FAM234A: variants seen among roughly 807,000 people sequenced by gnomAD.
FAM234A encodes family with sequence similarity 234 member A, also known as protein FAM234A.
FAM234A carries 42 observed loss-of-function variants against 49.1 expected under a neutral mutation model. The observed-to-expected ratio is 0.86, with a 90% CI of 0.67 to 1.11. FAM234A has a LOEUF of 1.11. Ranked by LOEUF, FAM234A falls within the 50% of genes least tolerant of loss-of-function variation. The pLI is 0.00. For missense variants in FAM234A, 815 were observed against 745.2 expected (o/e 1.09, Z -1.09); for synonymous variants, 369 against 316.2 (o/e 1.17, Z -1.77).
At chr16:257,981 C>A (rs761778096) in intron 3 of FAM234A, among the ~76,000 whole-genome samples, 49 of 152,048 alleles carry the variant, frequency 3.2e-4, no homozygotes, top group Non-Finnish European at 7.1e-4. Flanking sequence ...CCTTAGCCTC[C>A]CGAGTAGCTG....
chr16:269,220 C>T (rs116377490), downstream of FAM234A: 8,120 of 1,336,854 alleles, frequency 6.1e-3, 107 homozygotes, highest in African/African-American at 0.046. Flanking sequence ...GCTGCATTCA[C>T]GCAGGACGTT....
chr16:251,257 A>G (rs2050994107), intron 2 of FAM234A, among the ~76,000 whole-genome samples: 1 of 152,154 alleles, frequency 6.6e-6, no homozygotes, highest in Admixed American at 6.5e-5. Flanking sequence ...CGCCCAGCCG[A>G]TACGTTCATA....
At chr16:257,388 G>A (rs2051279321) in intron 3 of FAM234A, among the ~76,000 whole-genome samples, 1 of 151,544 alleles carries the variant, frequency 6.6e-6, no homozygotes, top group Non-Finnish European at 1.5e-5. Flanking sequence ...TGGGATTACA[G>A]GTGCCCGCCT....
chr16:245,811 T>A (rs534187274), intron 1 of FAM234A, among the ~76,000 whole-genome samples: 30 of 152,352 alleles, frequency 2.0e-4, no homozygotes, highest in Non-Finnish European at 3.4e-4. Context: ...AGTGTTTTTC[T>A]TAATGATTTC....
chr16:255,637 G>T (rs932790694), intron 3 of FAM234A, among the ~76,000 whole-genome samples: 2 of 152,088 alleles, frequency 1.3e-5, no homozygotes, highest in Admixed American at 1.3e-4. Context: ...CTAGCCCTGG[G>T]CAACCTAGTC....
intron 1 of FAM234A, among the ~76,000 whole-genome samples, chr16:245,877 C>G (rs2141215784): frequency 6.6e-6 from 1 of 152,198 alleles, no homozygotes; most frequent in Middle Eastern, 3.4e-3. Flanking sequence ...ACATTCTCTT[C>G]TATTTTCTTT....
intron 3 of FAM234A, among the ~76,000 whole-genome samples, chr16:256,830 C>T (rs1221122848): frequency 6.6e-6 from 1 of 151,798 alleles, no homozygotes; most frequent in Non-Finnish European, 1.5e-5. Context: ...GTAATCGCCA[C>T]CTCCCAGATT....
chr16:259,698 G>A (rs2051379686), intron 4 of FAM234A, 99 bp downstream of exon 4: 1 of 822,708 alleles, frequency 1.2e-6, no homozygotes, highest in South Asian at 1.5e-5. Flanking sequence ...GGAAGCAGAT[G>A]GTGGTGTTTC....
At chr16:235,521 C>G (rs1047734907) in intron 1 of FAM234A, among the ~76,000 whole-genome samples, 2 of 152,150 alleles carry the variant, frequency 1.3e-5, no homozygotes, top group Non-Finnish European at 2.9e-5. Context: ...AGAGTTTGCC[C>G]TTGGACAGAC....
At chr16:261,601 A>C in intron 6 of FAM234A, 87 bp downstream of exon 6, 1 of 1,472,480 alleles carries the variant, frequency 6.8e-7, no homozygotes, top group South Asian at 1.3e-5. Context: ...GCCACTTCCC[A>C]GACAGGATTC....
chr16:258,631 G>A lies in FAM234A; in HGVS notation c.269-852G>A, dbSNP rs536866521. 7.9e-5 allele frequency among the ~76,000 whole-genome samples: 12 copies of A among 152,056 alleles called. No homozygotes were observed. In the South Asian group the frequency reaches 2.5e-3, roughly 32 times the overall value. ...TCTCCCCTTTCTATTCCACAAAACC[G>A]CCATTGTCATCATGGCCCGTTCTCA... On this transcript the variant is annotated intron_variant, in intron 3 of 12. Transcript: ENST00000399932.
In FAM234A at chr16:260,268, G is replaced by T. The variant is rs150100245; in HGVS notation, c.577+108G>T. 1.8e-4 allele frequency: 185 copies of T among 1,053,696 alleles called. No homozygotes were observed. The African/African-American group carries it at 2.8e-3, about 16-fold the overall frequency. The allele number at this position is 1,053,696 out of a possible 1,614,324, so 65.3% of individuals were successfully genotyped here. ...CGACGAGGCTCAGCCCTGTGATCTTGAGGGTGGCTGGATGGGAAGGAAGGT... is the reference window on the plus strand; with the variant it reads ...CGACGAGGCTCAGCCCTGTGATCTTTAGGGTGGCTGGATGGGAAGGAAGGT... On this transcript the variant is annotated intron_variant, in intron 5 of 12. Coordinates refer to ENST00000399932, the MANE Select transcript of FAM234A (RefSeq NM_032039.4).
intron 2 of FAM234A, among the ~76,000 whole-genome samples, chr16:250,009 G>C (rs1412587654): frequency 6.6e-6 from 1 of 152,070 alleles, no homozygotes; most frequent in Non-Finnish European, 1.5e-5. Flanking sequence ...GCAGTGGCGC[G>C]ATCTCGGCTC....
At chr16:263,066 C>T (rs1411258424) in intron 8 of FAM234A, among the ~76,000 whole-genome samples, 196 bp from the exon 9 acceptor site, 1 of 152,142 alleles carries the variant, frequency 6.6e-6, no homozygotes, top group Non-Finnish European at 1.5e-5. Context: ...GATCCGCCCG[C>T]CTCGGCCTCC....
At chr16:256,244 A>G (rs4374177) in intron 3 of FAM234A, among the ~76,000 whole-genome samples, 37,475 of 152,144 alleles carry the variant, frequency 0.25, 5,246 homozygotes, top group African/African-American at 0.37. Context: ...GCTGAACCCT[A>G]TGGTAAGTTT....
chr16:260,858 C>G, intron 5 of FAM234A: 1 of 350,444 alleles, frequency 2.9e-6, no homozygotes, highest in Non-Finnish European at 5.8e-6. Context: ...AGGAGTTGGA[C>G]GAGGACCTGT....
chr16:257,137 C>T (rs2051264452), intron 3 of FAM234A, among the ~76,000 whole-genome samples: 1 of 152,072 alleles, frequency 6.6e-6, no homozygotes, highest in African/African-American at 2.4e-5. Context: ...CCTTGGCTTC[C>T]CAAAGTGCTA....
chr16:265,435 C>T lies in FAM234A; in HGVS notation c.*413C>T. On this transcript the variant is annotated 3_prime_UTR_variant, in exon 13 of 13. Coordinates refer to ENST00000399932, the MANE Select transcript of FAM234A (RefSeq NM_032039.4). ...TCGCGTAGAAAGAACCAGGGTGTCCCCGGGACAGGCCGTCCCCCACCCCAT... is the reference window on the plus strand; with the variant it reads ...TCGCGTAGAAAGAACCAGGGTGTCCTCGGGACAGGCCGTCCCCCACCCCAT... 9.9e-7 allele frequency: 1 copy of T among 1,007,046 alleles called. No homozygotes were observed. The highest frequency in any genetic ancestry group is 1.2e-6 in the Non-Finnish European group (1 of 844,502). The allele number at this position is 1,007,046 out of a possible 1,614,324, so 62.4% of individuals were successfully genotyped here.
chr16:263,164 AAG>A (rs1432374504), intron 8 of FAM234A, 96 bp from the exon 9 acceptor site: 1 of 1,439,182 alleles, frequency 6.9e-7, no homozygotes, highest in African/African-American at 1.4e-5. Flanking sequence ...ATGGGGGCCT[AAG>A]AGGAGCACCC....
Sources: gnomAD v4.1 joint callset for allele counts (sites outside exome capture counted in the v4.1 genomes callset) on GRCh38, gnomAD v4.1.1 for gene constraint, MANE v1.5 for transcripts, NCBI Gene and HGNC (gene_info 2026-07-23, HGNC 2026-07-21) for gene names.